The following TMEM234 variants were observed in gnomAD, a reference collection of about 807,000 sequenced individuals.
TMEM234 encodes the protein transmembrane protein 234, also known as chromosome 1 open reading frame 91.
TMEM234 carries 21 observed loss-of-function variants against 17.8 expected under a neutral mutation model. The ratio of observed to expected loss-of-function variants is 1.18; its 90% confidence interval spans 0.84 to 1.70. The LOEUF is 1.70. TMEM234 is among the 40% of genes most tolerant of loss of function. The pLI is 0.00. For missense variants in TMEM234, 137 were observed against 166.9 expected, an observed-to-expected ratio of 0.82 and a Z score of 0.99; for synonymous variants, 83 against 73.5, an observed-to-expected ratio of 1.13 and a Z score of -0.66.
chr1:32,215,557 T>A (rs766603599), downstream of TMEM234: 2 of 1,610,526 alleles, frequency 1.2e-6, no homozygotes, highest in Admixed American at 3.4e-5. Flanking sequence ...AGCTGTTGGA[T>A]CAGGAAACAG....
chr1:32,219,112 CAAAA>C (rs59104994), intron 3 of TMEM234, among the ~76,000 whole-genome samples: 2 of 71,792 alleles, frequency 2.8e-5, no homozygotes, highest in Admixed American at 1.5e-4. Flanking sequence ...AATGCCGTCT[CAAAA>C]AAAAAAAAAA....
chr1:32,217,440 T>A, intron 3 of TMEM234, 89 bp from the exon 4 acceptor site: 1 of 1,580,868 alleles, frequency 6.3e-7, no homozygotes, highest in Non-Finnish European at 8.6e-7. Flanking sequence ...TTCATACCTT[T>A]AAAAAAGGTA....
Position 32,221,300 on chromosome 1 carries a change from A to T in TMEM234, c.169-103T>A, listed in dbSNP as rs1557547759. 3.4e-6 allele frequency: 3 copies of T among 872,980 alleles called. No individual in the cohort carries two copies. The South Asian group carries it at 4.4e-5, about 13-fold the overall frequency. 54.1% of individuals were successfully genotyped at this position (872,980 alleles called of 1,614,324 possible). ...TCTTTCCTTGGAGGGAGGCAGGGTTATAAGGACCCAGAGAACACTAATCCC... is the reference window on the plus strand; with the variant it reads ...TCTTTCCTTGGAGGGAGGCAGGGTTTTAAGGACCCAGAGAACACTAATCCC... On this transcript the variant is annotated intron_variant, in intron 2 of 4. Transcript: ENST00000309777.
At chr1:32,215,332 T>C, downstream of TMEM234, 7 of 928,568 alleles carry the variant, frequency 7.5e-6, no homozygotes, top group Non-Finnish European at 1.1e-5. Context: ...TGGTGGGGAA[T>C]GCAGAACCAG....
chr1:32,219,524 C>T (rs1386206984), intron 3 of TMEM234, among the ~76,000 whole-genome samples: 1 of 152,160 alleles, frequency 6.6e-6, no homozygotes, highest in Non-Finnish European at 1.5e-5. Context: ...TCCTGAGCAG[C>T]TAGGACTACA....
intron 4 of TMEM234, 111 bp from the exon 5 acceptor site, chr1:32,217,058 C>T (rs2124224018): frequency 6.4e-7 from 1 of 1,573,408 alleles, no homozygotes; most frequent in Middle Eastern, 1.7e-4. Context: ...TCCCAAACCC[C>T]AGCCTCTGTC....
At chr1:32,218,274 A>T (rs1429789708) in intron 3 of TMEM234, among the ~76,000 whole-genome samples, 5 of 151,574 alleles carry the variant, frequency 3.3e-5, no homozygotes, top group Non-Finnish European at 7.4e-5. Context: ...AAAATACCAA[A>T]AATTAGCCAG....
At position 32,216,871 on chromosome 1, in the gene TMEM234, C is replaced by T. The variant is rs1638433206; in HGVS notation, c.405G>A (p.Gly135=). The change falls in exon 5 of 5, where the codon GGG becomes GGA. Residue 135 remains glycine, a synonymous_variant. Transcript: ENST00000309777. ...CITSSVSKTQ[G]QQSTL is the part of the protein sequence containing the mutation. ...GGCCCACTCAAAGGGTAGACTGTTG[C>T]CCCTGGGTCTTACTCACTGAGCTTG... is the stretch of plus-strand genomic sequence containing the variant. 6.2e-7 allele frequency: 1 copy of T among 1,614,154 alleles called. No individual in the cohort carries two copies. The highest frequency in any genetic ancestry group is 1.1e-5 in the South Asian group (1 of 91,072).
chr1:32,222,087 C>T, intron 1 of TMEM234, 69 bp from the exon 2 acceptor site: 4 of 1,515,146 alleles, frequency 2.6e-6, no homozygotes, highest in Non-Finnish European at 2.6e-6. Flanking sequence ...CTCTCCTGGC[C>T]TTCTAGCCCC....
downstream of TMEM234, chr1:32,216,053 C>T (rs1242211432): frequency 1.3e-6 from 1 of 744,792 alleles, no homozygotes; most frequent in Non-Finnish European, 2.2e-6. Flanking sequence ...GCTCCTAAAC[C>T]CACAGCCCAG....
chr1:32,216,664 C>T lies in TMEM234; in HGVS notation c.*189G>A, dbSNP rs1638413630. On this transcript the variant is annotated 3_prime_UTR_variant, in exon 5 of 5. Coordinates refer to ENST00000309777, the MANE Select transcript of TMEM234 (RefSeq NM_019118.5). ...GTGCTAAATCCCCGCAGCTGAACAG[C>T]ACTTGAAGGTTACAAAACTCTTTCA... The T allele has an allele frequency of 6.7e-7, 1 of 1,501,148 alleles. No homozygotes were observed. The highest frequency in any genetic ancestry group is 1.3e-5 in the South Asian group (1 of 76,534). The allele number at this position is 1,501,148 out of a possible 1,614,324, so 93.0% of individuals were successfully genotyped here.
downstream of TMEM234, chr1:32,215,432 C>G (rs2124215978): frequency 6.2e-7 from 1 of 1,607,090 alleles, no homozygotes; most frequent in Admixed American, 1.7e-5. Flanking sequence ...GCTGCCTCCC[C>G]TCTTTAGGAG....
rs201230990 is a variant in TMEM234 at position 32,216,396 on chromosome 1, G to A, written c.*457C>T. On this transcript the variant is annotated 3_prime_UTR_variant, in exon 5 of 5. Transcript: ENST00000309777. ...CACTCCGACGCACCTTCTTCCCTCGGTTCCACCCCTCATTCAGCCAAAGCG... is the reference window on the plus strand; with the variant it reads ...CACTCCGACGCACCTTCTTCCCTCGATTCCACCCCTCATTCAGCCAAAGCG... 4.5e-6 allele frequency: 7 copies of A among 1,551,330 alleles called. No homozygotes were observed. The highest frequency in any genetic ancestry group is 2.0e-5 in the Admixed American group (1 of 50,972).
downstream of TMEM234, chr1:32,215,543 G>C (rs1553143995): frequency 1.2e-6 from 2 of 1,612,700 alleles, no homozygotes; most frequent in South Asian, 1.1e-5. Flanking sequence ...CCTTGGATCA[G>C]GTAAGCTGTT....
intron 3 of TMEM234, chr1:32,217,630 C>A: frequency 3.1e-6 from 2 of 646,392 alleles, no homozygotes; most frequent in Non-Finnish European, 5.5e-6. Context: ...CTCGTGAGAT[C>A]TCAAGGACAT....
chr1:32,215,942 A>C (rs1349924188), downstream of TMEM234: 3 of 1,468,566 alleles, frequency 2.0e-6, no homozygotes, highest in African/African-American at 4.2e-5. Flanking sequence ...TACTCTGGCC[A>C]CCTTTTGTCC....
intron 2 of TMEM234, among the ~76,000 whole-genome samples, 185 bp downstream of exon 2, chr1:32,221,682 G>A (rs1638922665): frequency 6.6e-6 from 1 of 152,134 alleles, no homozygotes; most frequent in African/African-American, 2.4e-5. Flanking sequence ...TCCTGCAACT[G>A]ACCTATCAGA....
downstream of TMEM234, chr1:32,215,430 C>T: frequency 6.2e-7 from 1 of 1,606,156 alleles, no homozygotes; most frequent in South Asian, 1.1e-5. Context: ...GTGCTGCCTC[C>T]CCTCTTTAGG....
intron 1 of TMEM234, 137 bp downstream of exon 1, chr1:32,222,170 G>T: frequency 6.7e-7 from 1 of 1,502,492 alleles, no homozygotes; most frequent in Non-Finnish European, 8.9e-7. Context: ...CAGGCCCAGG[G>T]AAGCTAGGGA....
Sources: allele counts gnomAD v4.1 joint callset (sites outside exome capture counted in the v4.1 genomes callset), GRCh38; gene constraint gnomAD v4.1.1; transcripts MANE v1.5; gene names NCBI Gene and HGNC (gene_info 2026-07-23, HGNC 2026-07-21).